The following CAMK2B variants were observed in gnomAD, a reference collection of about 807,000 sequenced individuals.
CAMK2B encodes calcium/calmodulin dependent protein kinase II beta.
CAMK2B carries 27 observed loss-of-function variants against 93.7 expected under a neutral mutation model. That is an observed-to-expected ratio of 0.29 (90% CI 0.21 to 0.40). CAMK2B has a LOEUF of 0.40. CAMK2B is among the 10% of genes least tolerant of loss of function. The pLI, the probability that CAMK2B is intolerant of heterozygous loss-of-function variation, is 1.00. For synonymous variants in CAMK2B, 374 were observed against 358.8 expected (o/e 1.04, Z -0.48); for missense variants, 568 against 895.8 (o/e 0.63, Z 4.67).
At chr7:44,289,290 C>T (rs774489921) in intron 1 of CAMK2B, among the ~76,000 whole-genome samples, 9 of 152,192 alleles carry the variant, frequency 5.9e-5, no homozygotes, top group Non-Finnish European at 1.2e-4. Context: ...GCTGCCCGCA[C>T]CTCTCCCCGG....
intron 1 of CAMK2B, among the ~76,000 whole-genome samples, chr7:44,307,460 G>A (rs1455752184): frequency 6.6e-6 from 1 of 151,762 alleles, no homozygotes; most frequent in East Asian, 1.9e-4. Flanking sequence ...GAGGGTGTGT[G>A]AAGAGGAGGG....
chr7:44,275,376 G>C (rs2097024473), intron 2 of CAMK2B, among the ~76,000 whole-genome samples: 1 of 152,224 alleles, frequency 6.6e-6, no homozygotes, highest in Non-Finnish European at 1.5e-5. Flanking sequence ...CTGACAGATG[G>C]GGCCAGCAAG....
intron 1 of CAMK2B, among the ~76,000 whole-genome samples, chr7:44,306,503 G>A (rs1014777892): frequency 5.3e-5 from 8 of 152,220 alleles, no homozygotes; most frequent in Admixed American, 3.3e-4. Flanking sequence ...GAAGACAGGA[G>A]GGAGGACCAC....
At chr7:44,246,786 AACCTCCATGTACACACGT>A (rs1472881812) in intron 6 of CAMK2B, among the ~76,000 whole-genome samples, 4 of 152,028 alleles carry the variant, frequency 2.6e-5, no homozygotes, top group African/African-American at 4.8e-5. Context: ...TGTACACACG[AACCTCCATGTACACACGT>A]ATGCACATGC....
intron 13 of CAMK2B, among the ~76,000 whole-genome samples, chr7:44,236,852 C>T (rs527897081): frequency 1.2e-4 from 19 of 152,276 alleles, no homozygotes; most frequent in Non-Finnish European, 2.4e-4. Context: ...ACCAGCTGCC[C>T]GACACAGCTG....
At chr7:44,278,503 C>T (rs763791271) in intron 2 of CAMK2B, among the ~76,000 whole-genome samples, 1 of 152,162 alleles carries the variant, frequency 6.6e-6, no homozygotes, top group Non-Finnish European at 1.5e-5. Flanking sequence ...CTCCCCCATT[C>T]CTCCTCAGCT....
chr7:44,243,746 G>A (rs907518141), intron 6 of CAMK2B, among the ~76,000 whole-genome samples: 1 of 152,176 alleles, frequency 6.6e-6, no homozygotes, highest in Non-Finnish European at 1.5e-5. Flanking sequence ...TGCCCCTGGG[G>A]ACAGAGACAC....
At chr7:44,240,071 C>T (rs745914014) in intron 12 of CAMK2B, among the ~76,000 whole-genome samples, 1 of 152,026 alleles carries the variant, frequency 6.6e-6, no homozygotes, top group Non-Finnish European at 1.5e-5. Flanking sequence ...GACGCTCGCA[C>T]ACGGAGTGTC....
rs998327415 is a variant in CAMK2B at position 44,286,157 on chromosome 7, C to T, written c.66-1932G>A. 6.6e-6 allele frequency among the ~76,000 whole-genome samples: 1 copy of T among 152,076 alleles called. No individual in the cohort carries two copies. The highest frequency in any genetic ancestry group is 2.4e-5 in the African/African-American group (1 of 41,412). On this transcript the variant is annotated intron_variant, in intron 1 of 23. Transcript: ENST00000395749. This position sits in a 1 kb window ranked among gnomAD's most constrained non-coding sequence, Gnocchi z 4.0. ...CATCCATATGACTGAGCAGAAGAGC[C>T]TTCCGGGGCCACTGTGTGGCTGTTT...
chr7:44,285,836 C>T (rs1444666231), intron 1 of CAMK2B, among the ~76,000 whole-genome samples: 2 of 33,162 alleles, frequency 6.0e-5, no homozygotes, highest in Admixed American at 4.6e-4. Context: ...GCGGAGGGGG[C>T]GCGGTGTGGG....
In CAMK2B at chr7:44,234,682, G is replaced by A. The variant is rs2096609446; in HGVS notation, c.1022-6C>T. The A allele has an allele frequency of 6.2e-6, 10 of 1,613,880 alleles. No individual in the cohort carries two copies. In the South Asian group the frequency reaches 1.1e-4, roughly 18 times the overall value. Reference sequence around the variant, plus strand: ...CTTGTTGAGTAAACTCTTGGCTGCTGCATGGGGAGGAAGAAGGTATGGTGA... The same window carrying A: ...CTTGTTGAGTAAACTCTTGGCTGCTACATGGGGAGGAAGAAGGTATGGTGA... On this transcript the variant is annotated splice_polypyrimidine_tract_variant and splice_region_variant and intron_variant, in intron 13 of 23. Coordinates refer to ENST00000395749, the MANE Select transcript of CAMK2B (RefSeq NM_001220.5).
At chr7:44,233,698 G>A (rs980090265) in intron 15 of CAMK2B, among the ~76,000 whole-genome samples, 1 of 152,158 alleles carries the variant, frequency 6.6e-6, no homozygotes, top group Non-Finnish European at 1.5e-5. Flanking sequence ...ACCTGTAGGA[G>A]CCCCCAGGGC....
intron 2 of CAMK2B, among the ~76,000 whole-genome samples, chr7:44,280,770 TCCCACAGACACAC>T (rs1277392038): frequency 6.6e-6 from 1 of 151,960 alleles, no homozygotes; most frequent in African/African-American, 2.4e-5. Flanking sequence ...AAGGGATCCA[TCCCACAGACACAC>T]CCCAGAACAT....
At chr7:44,221,017 G>A (rs1042454571) in intron 20 of CAMK2B, 116 bp from the exon 21 acceptor site, 1 of 809,354 alleles carries the variant, frequency 1.2e-6, no homozygotes, top group Non-Finnish European at 2.0e-6. Flanking sequence ...CCGTGTTCCT[G>A]CCGCTATTTG....
intron 13 of CAMK2B, among the ~76,000 whole-genome samples, chr7:44,239,158 C>T (rs1022989788): frequency 4.6e-5 from 7 of 152,202 alleles, no homozygotes; most frequent in Admixed American, 1.3e-4. Context: ...CGTCTCCATG[C>T]GGCCCCAGAG....
rs2096646571 is a variant in CAMK2B at position 44,238,510 on chromosome 7, C to T, written c.1021+1079G>A. On this transcript the variant is annotated intron_variant, in intron 13 of 23. Coordinates refer to ENST00000395749, the MANE Select transcript of CAMK2B (RefSeq NM_001220.5). ...GACGTGGGAGGGCTCTCCCGGGGTG[C>T]TGCCTGCTAGACACGTCCACTGGGC... Among the ~76,000 whole-genome samples the T allele has an allele frequency of 2.6e-5, 4 of 152,318 alleles. No homozygotes were observed. In the East Asian group the frequency reaches 5.8e-4, roughly 22 times the overall value.
chr7:44,281,645 A>G (rs1034744608), intron 2 of CAMK2B, among the ~76,000 whole-genome samples: 5 of 152,010 alleles, frequency 3.3e-5, no homozygotes, highest in African/African-American at 9.7e-5. Flanking sequence ...CAGCACCCCA[A>G]TCACCCTTGG....
At position 44,312,957 on chromosome 7, in the gene CAMK2B, G is replaced by A. The variant is rs1793937371; in HGVS notation, c.65+12400C>T. Among the ~76,000 whole-genome samples, 3 of 152,074 alleles carry A rather than the reference G, an allele frequency of 2.0e-5. No individual in the cohort carries two copies. The highest frequency in any genetic ancestry group is 2.0e-4 in the Admixed American group (3 of 15,278). On this transcript the variant is annotated intron_variant, in intron 1 of 23. Transcript: ENST00000395749. The surrounding 1 kb of genome is among the most constrained non-coding windows in gnomAD (Gnocchi z 4.1). Reference sequence around the variant, plus strand: ...GGGATGGGGTGGTGGTAGGCAGTGGGCCCAGGACAGCTGGGTCCCCAGCTC... The same window carrying A: ...GGGATGGGGTGGTGGTAGGCAGTGGACCCAGGACAGCTGGGTCCCCAGCTC...
chr7:44,233,565 C>G (rs2096598904), intron 15 of CAMK2B, among the ~76,000 whole-genome samples: 1 of 152,140 alleles, frequency 6.6e-6, no homozygotes, highest in Non-Finnish European at 1.5e-5. Context: ...ATATGGGGAC[C>G]TACGGGCCAG....
Sources: gnomAD v4.1 joint callset for allele counts (sites outside exome capture counted in the v4.1 genomes callset) on GRCh38, gnomAD v4.1.1 for gene constraint, Gnocchi (gnomAD v3.1) non-coding constraint, MANE v1.5 for transcripts, NCBI Gene and HGNC (gene_info 2026-07-23, HGNC 2026-07-21) for gene names.